The following NAAA variants were observed in gnomAD, a reference collection of about 807,000 sequenced individuals.
NAAA encodes the protein N-acylethanolamine acid amidase.
NAAA carries 39 observed loss-of-function variants against 44.8 expected under a neutral mutation model. The ratio of observed to expected loss-of-function variants is 0.87; its 90% CI spans 0.67 to 1.14. The LOEUF (loss-of-function observed/expected upper bound fraction) is 1.14, where lower values mean the gene tolerates loss of function less well. Ranked by LOEUF, NAAA falls within the 50% of genes most tolerant of loss-of-function variation. The pLI is 0.00. For synonymous variants in NAAA, 178 were observed against 191.3 expected, an observed-to-expected ratio of 0.93 and a Z score of 0.58; for missense variants, 460 against 467.8, an observed-to-expected ratio of 0.98 and a Z score of 0.15.
chr4:75,929,949 G>C (rs1297116275), intron 4 of NAAA, among the ~76,000 whole-genome samples: 2 of 152,048 alleles, frequency 1.3e-5, no homozygotes, highest in Admixed American at 1.3e-4. Context: ...AATTAGCCGG[G>C]TGTGGTGGCA....
intron 9 of NAAA, 24 bp from the exon 10 acceptor site, chr4:75,915,009 T>C (rs772940659): frequency 6.6e-7 from 1 of 1,516,022 alleles, no homozygotes; most frequent in Non-Finnish European, 9.2e-7. Flanking sequence ...GGAAATTTTA[T>C]GTACACATCA....
intron 2 of NAAA, 136 bp downstream of exon 2, chr4:75,939,865 G>A (rs993157878): frequency 3.8e-5 from 37 of 963,018 alleles, no homozygotes; most frequent in Non-Finnish European, 5.3e-5. Context: ...GAGAGGCAAA[G>A]AGGAAGCGCT....
At chr4:75,934,211 C>A (rs1283547108) in intron 3 of NAAA, among the ~76,000 whole-genome samples, 1 of 151,850 alleles carries the variant, frequency 6.6e-6, no homozygotes. Context: ...AAGTCAGTCT[C>A]TGTGAAGCTG....
intron 2 of NAAA, among the ~76,000 whole-genome samples, chr4:75,938,776 C>T (rs778806357): frequency 6.6e-6 from 1 of 152,226 alleles, no homozygotes; most frequent in Admixed American, 6.5e-5. Context: ...TATTACTGAG[C>T]CCATAAACCT....
intron 4 of NAAA, among the ~76,000 whole-genome samples, chr4:75,928,017 C>T (rs1038274211): frequency 3.3e-5 from 5 of 152,144 alleles, no homozygotes; most frequent in African/African-American, 1.2e-4. Flanking sequence ...TTTAAAAACC[C>T]ACTCTAGCAA....
At chr4:75,935,078 C>T (rs935003712) in intron 3 of NAAA, 2 of 152,068 alleles carry the variant, frequency 1.3e-5, no homozygotes, top group Admixed American at 6.6e-5. Context: ...TTTATATTAT[C>T]GTTACCACTT....
intron 4 of NAAA, 122 bp from the exon 5 acceptor site, chr4:75,925,933 T>C (rs1726643242): frequency 5.7e-6 from 5 of 880,890 alleles, no homozygotes; most frequent in Middle Eastern, 2.5e-4. Context: ...AGCAGAATCT[T>C]TTGTACCAGG....
chr4:75,915,018 CA>C (rs1299279142), intron 9 of NAAA, 33 bp from the exon 10 acceptor site: 3 of 1,472,452 alleles, frequency 2.0e-6, no homozygotes, highest in Non-Finnish European at 2.9e-6. Context: ...ATGTACACAT[CA>C]TTTTCTCTAA....
Position 75,940,851 on chromosome 4 carries a change from C to T in NAAA, c.99G>A (p.Ala33=). 1 of 1,586,204 alleles carries T rather than the reference C, an allele frequency of 6.3e-7. No individual in the cohort carries two copies. The highest frequency in any genetic ancestry group is 2.3e-5 in the East Asian group (1 of 43,280). ...AGTCCAGGCTCACGTTGAAGCGCGG[C>T]GCTGCTGGGGGCGAGGCGGCTGACA... ...AGLSAASPPA[A]PRFNVSLDSV... The change falls in exon 1 of 11, where the codon GCG becomes GCA. Residue 33 remains alanine (A), a synonymous_variant. Coordinates refer to ENST00000286733, the MANE Select transcript of NAAA (RefSeq NM_014435.4).
chr4:75,936,242 A>G lies in NAAA; in HGVS notation c.372-7T>C, dbSNP rs4859573. The G allele has an allele frequency of 0.23, 363,467 of 1,604,142 alleles. 43,246 individuals carry two copies. The highest frequency in any genetic ancestry group is 0.34 in the East Asian group (15,445 of 44,788). On this transcript the variant is annotated splice_polypyrimidine_tract_variant and splice_region_variant and intron_variant, in intron 2 of 10. Coordinates refer to ENST00000286733, the MANE Select transcript of NAAA (RefSeq NM_014435.4). ...CACAATACTGGTGCAGAACCTGAGA[A>G]AAGGGAAAAGTCCAACATGAATGAA...
At chr4:75,927,469 GA>G (rs56895550) in intron 4 of NAAA, among the ~76,000 whole-genome samples, 2 of 149,612 alleles carry the variant, frequency 1.3e-5, no homozygotes, top group Non-Finnish European at 3.0e-5. Flanking sequence ...AAGAGAAAAA[GA>G]AAAAAAACAG....
intron 8 of NAAA, 97 bp downstream of exon 8, chr4:75,919,812 G>A (rs985881400): frequency 1.1e-5 from 13 of 1,231,468 alleles, no homozygotes; most frequent in African/African-American, 4.5e-5. Flanking sequence ...TTACCCTAAC[G>A]TTTTCATCTA....
At position 75,920,813 on chromosome 4, in the gene NAAA, A is replaced by G. The variant is rs1726081330; in HGVS notation, c.840-13T>C. The G allele has an allele frequency of 6.2e-7, 1 of 1,614,128 alleles. No homozygotes were observed. The highest frequency in any genetic ancestry group is 1.3e-5 in the African/African-American group (1 of 74,946). ...AACTCGGAACCACCTACAACAGAGC[A>G]CATCATCTTGTCTTATCCAAGGCAA... On this transcript the variant is annotated splice_polypyrimidine_tract_variant and intron_variant, in intron 6 of 10. Transcript: ENST00000286733.
Position 75,914,931 on chromosome 4 carries a change from A to T in NAAA, c.1053T>A (p.Thr351=). ...MSAGSPDKYM[T]RIRNPSRK Reference sequence around the variant, plus strand: ...ACTTTCTACTCGGGTTTCTGATCCTAGTCATGTACTTGTCTGGGCTACCGG... The same window carrying T: ...ACTTTCTACTCGGGTTTCTGATCCTTGTCATGTACTTGTCTGGGCTACCGG... Residue 351 remains threonine (T), a synonymous_variant, in exon 10 of 11, where the codon ACT becomes ACA. Coordinates refer to ENST00000286733, the MANE Select transcript of NAAA (RefSeq NM_014435.4). 1 of 1,614,094 alleles carries T rather than the reference A, an allele frequency of 6.2e-7. No homozygotes were observed. The highest frequency in any genetic ancestry group is 8.5e-7 in the Non-Finnish European group (1 of 1,179,982).
At chr4:75,921,785 T>G (rs1176078927) in intron 5 of NAAA, among the ~76,000 whole-genome samples, 1 of 152,084 alleles carries the variant, frequency 6.6e-6, no homozygotes, top group Non-Finnish European at 1.5e-5. Context: ...TCTAGTTCGA[T>G]GGACTAGACT....
chr4:75,940,071 C>A lies in NAAA; in HGVS notation c.301G>T (p.Gly101Cys), dbSNP rs755455747. 1 of 1,614,128 alleles carries A rather than the reference C, an allele frequency of 6.2e-7. No homozygotes were observed. Among genetic ancestry groups the A allele is most frequent in the Non-Finnish European group, 8.5e-7 (1 of 1,180,044 alleles). The stretch of plus-strand genomic sequence containing the variant: ...CTGAGGTTCATGAAGTCACACATGC[C>A]GCGGATCTCGCCGGTGAAGGGCTGG... ...LPQPFTGEIR[G>C]MCDFMNLSLA... is the part of the protein sequence containing the mutation. Residue 101 changes from glycine (G) to cysteine (C), a missense_variant, in exon 2 of 11, where the codon GGC becomes TGC. Physicochemically the swap from Gly to Cys is radical, Grantham distance 159. Transcript: ENST00000286733.
rs200444328 is a variant in NAAA, at chr4:75,920,720, A to G, written c.902+18T>C. On this transcript the variant is annotated intron_variant, in intron 7 of 10. Transcript: ENST00000286733. ...CCATAAGAAAACACTGCAAACCAGA[A>G]AGCACGTAGCAGCCTACCTCCGGTC... The G allele has an allele frequency of 1.9e-6, 3 of 1,614,138 alleles. No individual in the cohort carries two copies. The highest frequency in any genetic ancestry group is 2.5e-6 in the Non-Finnish European group (3 of 1,179,998).
chr4:75,934,565 G>A (rs1727543481), intron 3 of NAAA, among the ~76,000 whole-genome samples: 1 of 150,704 alleles, frequency 6.6e-6, no homozygotes, highest in Admixed American at 6.6e-5. Context: ...CTGACCTCGT[G>A]ATTCGCCTGC....
At chr4:75,928,273 G>A (rs891151537) in intron 4 of NAAA, among the ~76,000 whole-genome samples, 13 of 152,186 alleles carry the variant, frequency 8.5e-5, no homozygotes, top group African/African-American at 3.1e-4. Flanking sequence ...GACCATTCTA[G>A]TTGCTGGGTA....
Sources: allele counts gnomAD v4.1 joint callset (sites outside exome capture counted in the v4.1 genomes callset), GRCh38; gene constraint gnomAD v4.1.1; transcripts MANE v1.5; gene names NCBI Gene and HGNC (gene_info 2026-07-23, HGNC 2026-07-21).